LYPD6B: variants seen among roughly 807,000 people sequenced by gnomAD.
LYPD6B encodes the protein ly6/PLAUR domain-containing protein 6B.
LYPD6B carries 17 observed loss-of-function variants against 22.8 expected under a neutral mutation model. That is an observed-to-expected ratio of 0.75 (90% CI 0.51 to 1.12). The LOEUF is 1.12. Among genes scored for constraint, LYPD6B ranks in the 50% most tolerant of loss-of-function variants. The pLI, the probability that LYPD6B is intolerant of heterozygous loss-of-function variation, is 0.00. For synonymous variants in LYPD6B, 106 were observed against 91.6 expected, an observed-to-expected ratio of 1.16 and a Z score of -0.90; for missense variants, 221 against 258.3, an observed-to-expected ratio of 0.86 and a Z score of 0.99.
intron 1 of LYPD6B, among the ~76,000 whole-genome samples, chr2:149,066,113 T>A (rs1397896902): frequency 6.6e-6 from 1 of 152,146 alleles, no homozygotes; most frequent in Non-Finnish European, 1.5e-5. Context: ...TACCCATTTG[T>A]GTCTTGTGTC....
At chr2:149,208,273 C>G in intron 4 of LYPD6B, 41 bp from the exon 5 acceptor site, 7 of 1,518,558 alleles carry the variant, frequency 4.6e-6, no homozygotes, top group Non-Finnish European at 6.4e-6. Flanking sequence ...AAATTTTTGT[C>G]TTCTGTAGCT....
chr2:149,214,483 T>C (rs1440193281), intron 6 of LYPD6B, 63 bp from the exon 7 acceptor site: 32 of 1,541,436 alleles, frequency 2.1e-5, no homozygotes, highest in Middle Eastern at 3.4e-4. Flanking sequence ...TTTATCTTTC[T>C]TTCTTTTGCC....
intron 1 of LYPD6B, 92 bp from the exon 2 acceptor site, chr2:149,130,791 C>A: frequency 1.6e-6 from 1 of 636,848 alleles, no homozygotes; most frequent in East Asian, 2.7e-5. Context: ...GATGTGTCCC[C>A]AGCCTAAAAC....
In LYPD6B at chr2:149,161,002, G is replaced by A. The variant is rs190935058; in HGVS notation, c.77+167G>A. ...CCCTCACTGCTCACTGTGATCCTGC[G>A]GTTTGGAAGCCTGGCTTGTGCTTAA... On this transcript the variant is annotated intron_variant, in intron 3 of 6. Coordinates refer to ENST00000409642, the MANE Select transcript of LYPD6B (RefSeq NM_177964.5). 1.3e-3 allele frequency among the ~76,000 whole-genome samples: 194 copies of A among 152,248 alleles called. 4 individuals carry two copies. Among genetic ancestry groups the A allele is most frequent in the Admixed American group, 0.012 (188 of 15,284 alleles).
At chr2:149,139,448 C>G (rs1372308632) in intron 2 of LYPD6B, among the ~76,000 whole-genome samples, 1 of 152,178 alleles carries the variant, frequency 6.6e-6, no homozygotes. Context: ...TTCCTGCCCC[C>G]TCTTGTAATA....
intron 1 of LYPD6B, among the ~76,000 whole-genome samples, chr2:149,066,500 A>T (rs1411952865): frequency 1.3e-5 from 2 of 152,064 alleles, no homozygotes; most frequent in African/African-American, 4.8e-5. Flanking sequence ...TACAAAGGAC[A>T]TGAACTCATC....
chr2:149,058,776 C>A (rs570797334), intron 1 of LYPD6B, among the ~76,000 whole-genome samples: 11 of 152,274 alleles, frequency 7.2e-5, no homozygotes, highest in African/African-American at 2.6e-4. Flanking sequence ...TCTGCCACGA[C>A]GCCCAGCTAA....
intron 5 of LYPD6B, among the ~76,000 whole-genome samples, 186 bp from the exon 6 acceptor site, chr2:149,212,806 G>A (rs1055717854): frequency 8.5e-5 from 13 of 152,114 alleles, no homozygotes; most frequent in Non-Finnish European, 1.5e-4. Context: ...TTCAGAAGCT[G>A]GTGTCCTTTG....
At chr2:149,180,534 A>C (rs1302077714) in intron 3 of LYPD6B, among the ~76,000 whole-genome samples, 1 of 152,182 alleles carries the variant, frequency 6.6e-6, no homozygotes, top group Admixed American at 6.5e-5. Flanking sequence ...GGAAAAAAAG[A>C]AATTATGAAG....
intron 1 of LYPD6B, among the ~76,000 whole-genome samples, chr2:149,043,922 T>C (rs1461813640): frequency 6.6e-6 from 1 of 152,142 alleles, no homozygotes; most frequent in South Asian, 2.1e-4. Context: ...AGAGCTTTTG[T>C]CACTAATCAA....
At position 149,168,413 on chromosome 2, in the gene LYPD6B, A is replaced by G. The variant is rs151228644; in HGVS notation, c.77+7578A>G. On this transcript the variant is annotated intron_variant, in intron 3 of 6. Transcript: ENST00000409642. ...GCACCTTCTTTAAAGCTTGTTATCA[A>G]CAATCCAACCAAAGCATCACATTCC... Among the ~76,000 whole-genome samples the G allele has an allele frequency of 3.4e-3, 518 of 152,194 alleles. 4 individuals carry two copies. The highest frequency in any genetic ancestry group is 4.8e-3 in the Non-Finnish European group (325 of 67,998).
chr2:149,214,479 T>C lies in LYPD6B; in HGVS notation c.460-67T>C, dbSNP rs1007811057. On this transcript the variant is annotated intron_variant, in intron 6 of 6. Transcript: ENST00000409642. ...GAGCTCAAGAAGCCTTTGTTTTATC[T>C]TTCTTTCTTTTGCCCCTTCCCTCTT... 98 of 1,521,956 alleles carry C rather than the reference T, an allele frequency of 6.4e-5. 1 individual carries two copies. Among genetic ancestry groups the C allele is most frequent in the Middle Eastern group, 3.4e-4 (2 of 5,856 alleles). The allele number at this position is 1,521,956 out of a possible 1,614,324, so 94.3% of individuals were successfully genotyped here.
chr2:149,104,111 T>C (rs1044660841), intron 1 of LYPD6B, among the ~76,000 whole-genome samples: 1 of 152,116 alleles, frequency 6.6e-6, no homozygotes, highest in Non-Finnish European at 1.5e-5. Flanking sequence ...TGAATAACTA[T>C]CCATTGTATC....
At chr2:149,095,538 T>G (rs1685865069) in intron 1 of LYPD6B, among the ~76,000 whole-genome samples, 1 of 152,228 alleles carries the variant, frequency 6.6e-6, no homozygotes, top group Non-Finnish European at 1.5e-5. Flanking sequence ...TTATTTACTC[T>G]TAGCTAATCT....
At chr2:149,137,255 A>G (rs7606896) in intron 2 of LYPD6B, among the ~76,000 whole-genome samples, 4 of 152,082 alleles carry the variant, frequency 2.6e-5, no homozygotes, top group African/African-American at 9.7e-5. Flanking sequence ...TATCAAAGCC[A>G]TGATTGAATC....
chr2:149,064,678 C>T (rs1445911674), intron 1 of LYPD6B, among the ~76,000 whole-genome samples: 1 of 152,144 alleles, frequency 6.6e-6, no homozygotes, highest in East Asian at 1.9e-4. Flanking sequence ...CCAGAATTCC[C>T]ACTGCATGTA....
intron 1 of LYPD6B, among the ~76,000 whole-genome samples, chr2:149,092,171 G>T (rs1685684067): frequency 6.6e-6 from 1 of 152,076 alleles, no homozygotes; most frequent in South Asian, 2.1e-4. Context: ...ATGGGGATTG[G>T]TGGTTGTGAT....
At chr2:149,180,143 G>A (rs557558492) in intron 3 of LYPD6B, among the ~76,000 whole-genome samples, 3 of 152,152 alleles carry the variant, frequency 2.0e-5, no homozygotes, top group Non-Finnish European at 4.4e-5. Context: ...TGTCTGTCTC[G>A]ATAAACATAG....
intron 1 of LYPD6B, among the ~76,000 whole-genome samples, chr2:149,095,806 GGGAGACAGAGGGAGATA>G (rs1413916312): frequency 6.6e-6 from 1 of 151,802 alleles, no homozygotes; most frequent in African/African-American, 2.4e-5. Flanking sequence ...AGAAAGAGAT[GGGAGACAGAGGGAGATA>G]GGAGACAAGA....
Sources: allele counts gnomAD v4.1 joint callset (sites outside exome capture counted in the v4.1 genomes callset), GRCh38; gene constraint gnomAD v4.1.1; transcripts MANE v1.5; gene names NCBI Gene and HGNC (gene_info 2026-07-23, HGNC 2026-07-21).